SHANK2: variants seen among roughly 807,000 people sequenced by gnomAD.
SHANK2 encodes SH3 and multiple ankyrin repeat domains 2.
A neutral mutation model predicts 133.7 loss-of-function variants in SHANK2; 43 were observed. The ratio of observed to expected loss-of-function variants is 0.32; its 90% CI spans 0.25 to 0.41. The LOEUF is 0.41. SHANK2 is among the 10% of genes least tolerant of loss of function. SHANK2 has a pLI of 1.00. For synonymous variants in SHANK2, 1,017 were observed against 952.8 expected, an observed-to-expected ratio of 1.07 and a Z score of -1.24; for missense variants, 1,994 against 2,235.8, an observed-to-expected ratio of 0.89 and a Z score of 2.18.
intron 11 of SHANK2, among the ~76,000 whole-genome samples, chr11:70,849,659 G>T (rs1182111209): frequency 6.6e-6 from 1 of 151,990 alleles, no homozygotes; most frequent in African/African-American, 2.4e-5. Context: ...TCCTCTCTTT[G>T]AATTTTCTTA....
intron 17 of SHANK2, among the ~76,000 whole-genome samples, chr11:70,518,633 GT>G (rs2059294580): frequency 6.6e-6 from 1 of 152,186 alleles, no homozygotes; most frequent in African/African-American, 2.4e-5. Flanking sequence ...GCTTCTATTA[GT>G]GGTGGTCAGA....
rs142285420 is a variant in SHANK2, at chr11:70,842,097, T to G, written c.1175-21415A>C. ...ATGGGTGTCACAGCTATTTGGCCCA[T>G]GCTTGTTCAAATCACGAACAGAACA... On this transcript the variant is annotated intron_variant, in intron 11 of 25. Transcript: ENST00000601538. Among the ~76,000 whole-genome samples, 15 of 152,366 alleles carry G rather than the reference T, an allele frequency of 9.8e-5. No individual in the cohort carries two copies. The East Asian group carries it at 2.9e-3, about 29-fold the overall frequency.
chr11:70,763,678 T>A (rs1454332496), intron 14 of SHANK2, among the ~76,000 whole-genome samples: 1 of 152,132 alleles, frequency 6.6e-6, no homozygotes, highest in East Asian at 1.9e-4. Flanking sequence ...TTGGGCCATA[T>A]GGATGCCCGA....
In SHANK2 at chr11:70,500,687, A is replaced by G; in HGVS notation, c.2288-97T>C. On this transcript the variant is annotated intron_variant, in intron 20 of 25. Coordinates refer to ENST00000601538, the MANE Select transcript of SHANK2 (RefSeq NM_012309.5). The surrounding 1 kb of genome is among the most constrained non-coding windows in gnomAD (Gnocchi z 4.5). The stretch of plus-strand genomic sequence containing the variant: ...TGTCAGCTCAGGGCGCCTCAGGAGC[A>G]GGCTGGGCCGGCAATGGGGCGGCAG... 1 of 1,522,426 alleles carries G rather than the reference A, an allele frequency of 6.6e-7. No homozygotes were observed. The highest frequency in any genetic ancestry group is 1.2e-5 in the South Asian group (1 of 83,658). 94.3% of individuals were successfully genotyped at this position (1,522,426 alleles called of 1,614,324 possible).
chr11:70,640,735 C>T (rs1254463050), intron 17 of SHANK2, among the ~76,000 whole-genome samples: 2 of 152,234 alleles, frequency 1.3e-5, no homozygotes, highest in Non-Finnish European at 2.9e-5. Flanking sequence ...AACAGTCCCT[C>T]AAGGCTGGGC....
chr11:71,085,388 G>A (rs914349589), intron 8 of SHANK2, among the ~76,000 whole-genome samples: 115 of 146,268 alleles, frequency 7.9e-4, no homozygotes, highest in African/African-American at 2.8e-3. Context: ...CTCAGGAGGC[G>A]GAGGTTGCAA....
At chr11:71,102,956 G>C (rs1178746550) in intron 6 of SHANK2, among the ~76,000 whole-genome samples, 1 of 152,250 alleles carries the variant, frequency 6.6e-6, no homozygotes, top group African/African-American at 2.4e-5. Flanking sequence ...GATTTGGCGT[G>C]TGTCTACCTG....
intron 2 of SHANK2, among the ~76,000 whole-genome samples, chr11:71,162,605 G>C (rs1176807484): frequency 1.3e-5 from 2 of 152,150 alleles, no homozygotes; most frequent in Non-Finnish European, 2.9e-5. Context: ...CAGTGAAATG[G>C]GGAAATGTCA....
At chr11:70,895,782 C>T (rs1447725307) in intron 11 of SHANK2, among the ~76,000 whole-genome samples, 2 of 152,146 alleles carry the variant, frequency 1.3e-5, no homozygotes, top group Non-Finnish European at 2.9e-5. Context: ...CCGTGCCCTA[C>T]ATCCATTGCT....
chr11:70,879,337 C>T (rs1949620582), intron 11 of SHANK2, among the ~76,000 whole-genome samples: 1 of 152,204 alleles, frequency 6.6e-6, no homozygotes, highest in South Asian at 2.1e-4. Flanking sequence ...TAATTCTACC[C>T]AGCATATTCT....
chr11:70,524,104 C>A (rs2059365780), intron 17 of SHANK2, among the ~76,000 whole-genome samples: 1 of 152,198 alleles, frequency 6.6e-6, no homozygotes, highest in Admixed American at 6.5e-5. Flanking sequence ...ACCATTCAGT[C>A]CTCACTAGCA....
intron 17 of SHANK2, among the ~76,000 whole-genome samples, chr11:70,620,860 A>G (rs918265545): frequency 6.6e-6 from 1 of 152,200 alleles, no homozygotes; most frequent in Admixed American, 6.5e-5. Flanking sequence ...ACCCCTCACC[A>G]GGAACCAAAT....
At chr11:70,575,286 C>T (rs138967876) in intron 17 of SHANK2, among the ~76,000 whole-genome samples, 3 of 152,152 alleles carry the variant, frequency 2.0e-5, no homozygotes, top group East Asian at 1.9e-4. Context: ...CCAAGGTGGG[C>T]GGATCACCTG....
chr11:70,541,358 C>G (rs1229382695), intron 17 of SHANK2, among the ~76,000 whole-genome samples: 1 of 152,236 alleles, frequency 6.6e-6, no homozygotes, highest in Non-Finnish European at 1.5e-5. Context: ...AGCCACCGGC[C>G]CCCCACCAAC....
At chr11:70,855,752 G>A (rs1949158580) in intron 11 of SHANK2, among the ~76,000 whole-genome samples, 1 of 152,214 alleles carries the variant, frequency 6.6e-6, no homozygotes, top group African/African-American at 2.4e-5. Flanking sequence ...AAAAAGAAAG[G>A]TGGGAAGAAA....
At chr11:70,921,443 G>A (rs1437307933) in intron 10 of SHANK2, among the ~76,000 whole-genome samples, 1 of 152,224 alleles carries the variant, frequency 6.6e-6, no homozygotes, top group African/African-American at 2.4e-5. Context: ...CAGTGAAGTA[G>A]GGCTCCTAAG....
rs567090218 is a variant in SHANK2, at chr11:71,222,695, G to A, written c.-13+2002C>T. Among the ~76,000 whole-genome samples, 143 of 152,370 alleles carry A rather than the reference G, an allele frequency of 9.4e-4. 1 individual carries two copies. The highest frequency in any genetic ancestry group is 3.2e-3 in the African/African-American group (133 of 41,592). On this transcript the variant is annotated intron_variant, in intron 2 of 25. Coordinates refer to ENST00000601538, the MANE Select transcript of SHANK2 (RefSeq NM_012309.5). ...TGACAACATCTTATGGCTCAACCCCGAGCCTGCAGGGACACGTGCTCCTTC... is the reference window on the plus strand; with the variant it reads ...TGACAACATCTTATGGCTCAACCCCAAGCCTGCAGGGACACGTGCTCCTTC...
chr11:71,090,588 G>T (rs2135100099), intron 8 of SHANK2, among the ~76,000 whole-genome samples: 1 of 87,328 alleles, frequency 1.1e-5, no homozygotes, highest in South Asian at 5.2e-4. Flanking sequence ...CTACATTCAG[G>T]GTGTATCAGC....
chr11:70,657,957 C>A (rs2061423856), intron 17 of SHANK2, among the ~76,000 whole-genome samples: 1 of 152,188 alleles, frequency 6.6e-6, no homozygotes, highest in South Asian at 2.1e-4. Flanking sequence ...GCTCACTGGG[C>A]AAGTGCAGGG....
Sources: gnomAD v4.1 joint callset for allele counts (sites outside exome capture counted in the v4.1 genomes callset) on GRCh38, gnomAD v4.1.1 for gene constraint, Gnocchi (gnomAD v3.1) non-coding constraint, MANE v1.5 for transcripts, NCBI Gene and HGNC (gene_info 2026-07-23, HGNC 2026-07-21) for gene names.